Variants in PECR observed in about 807,000 individuals in gnomAD.
The protein encoded by PECR is peroxisomal trans-2-enoyl-CoA reductase, also known as 2,4-dienoyl-CoA reductase-related protein.
PECR carries 30 observed loss-of-function variants against 35.3 expected under a neutral mutation model. The observed-to-expected ratio is 0.85, with a 90% CI of 0.64 to 1.15. PECR has a LOEUF of 1.15. Ranked by LOEUF, PECR falls within the 50% of genes most tolerant of loss-of-function variation. The pLI, the probability that PECR is intolerant of heterozygous loss-of-function variation, is 0.00. For missense variants in PECR, 392 were observed against 370.8 expected (o/e 1.06, Z -0.47); for synonymous variants, 148 against 138.9 (o/e 1.07, Z -0.46).
In PECR at chr2:216,031,647, AAAAGAAAGAAAG is replaced by A. The variant is rs200929112; in HGVS notation, c.*440+7532_*440+7543del. ...AAGGAACAAGGAAGGAAGGAAGAAG[AAAAGAAAGAAAG>A]AAAGAAAGAAAGAAAGAAAGAAAGA... On this transcript the variant is annotated intron_variant and NMD_transcript_variant, in intron 7 of 7. Coordinates refer to the PECR transcript ENST00000442122. Among the ~76,000 whole-genome samples the A allele has an allele frequency of 9.3e-4, 91 of 98,062 alleles. 1 individual carries two copies. The highest frequency in any genetic ancestry group is 2.2e-3 in the African/African-American group (59 of 26,956). The allele number at this position is 98,062 out of a possible 152,430, so 64.3% of individuals were successfully genotyped here. A position where few individuals can be genotyped will look rare whatever the true frequency, so the allele number is the denominator to read the frequency against.
At chr2:216,041,065 T>TCCA in intron 7 of PECR, among the ~76,000 whole-genome samples, 1 of 152,086 alleles carries the variant, frequency 6.6e-6, no homozygotes, top group South Asian at 2.1e-4. Context: ...GCTGCCAATC[T>TCCA]TAAAAGAAAA....
intron 5 of PECR, among the ~76,000 whole-genome samples, chr2:216,050,587 CCTA>C (rs1249216114): frequency 1.3e-5 from 2 of 152,146 alleles, no homozygotes; most frequent in African/African-American, 4.8e-5. Flanking sequence ...ACAGATAACA[CCTA>C]CTGATATTAC....
chr2:216,077,806 CAAAAAAA>C (rs10596402), intron 1 of PECR, among the ~76,000 whole-genome samples: 5 of 73,468 alleles, frequency 6.8e-5, no homozygotes, highest in African/African-American at 1.3e-4. Context: ...GACTCCGTCT[CAAAAAAA>C]AAAAAAAAAA....
At chr2:216,071,121 T>C (rs184679022) in intron 1 of PECR, among the ~76,000 whole-genome samples, 1 of 152,330 alleles carries the variant, frequency 6.6e-6, no homozygotes, top group Non-Finnish European at 1.5e-5. Flanking sequence ...TTGGGATCCA[T>C]GGGTCGCTCT....
chr2:216,077,067 T>G (rs1310211017), intron 1 of PECR, among the ~76,000 whole-genome samples: 1 of 151,594 alleles, frequency 6.6e-6, no homozygotes, highest in Non-Finnish European at 1.5e-5. Context: ...GCCTGGCTAA[T>G]TTTGTATTTT....
At chr2:216,063,573 A>C (rs1574697332) in intron 3 of PECR, among the ~76,000 whole-genome samples, 1 of 152,012 alleles carries the variant, frequency 6.6e-6, no homozygotes, top group Non-Finnish European at 1.5e-5. Flanking sequence ...AGCAGAGATC[A>C]CGCCACTGCA....
intron 1 of PECR, among the ~76,000 whole-genome samples, chr2:216,074,441 A>AAAAAGAAAG (rs139561686): frequency 4.0e-5 from 6 of 149,952 alleles, no homozygotes; most frequent in Admixed American, 6.6e-5. Context: ...AGAAAGAAAG[A>AAAAAGAAAG]AAAAGAAAGA....
At chr2:216,069,934 C>CAAA (rs35689726) in intron 1 of PECR, among the ~76,000 whole-genome samples, 1 of 101,294 alleles carries the variant, frequency 9.9e-6, no homozygotes, top group Admixed American at 9.5e-5. Context: ...AAGACTCTGT[C>CAAA]AAAAAAAAAA....
intron 1 of PECR, among the ~76,000 whole-genome samples, chr2:216,068,667 T>A (rs1695521299): frequency 6.6e-6 from 1 of 152,002 alleles, no homozygotes; most frequent in African/African-American, 2.4e-5. Context: ...TGAGACAGGG[T>A]CTTACTCTGT....
chr2:216,055,486 C>A (rs1366826582), intron 4 of PECR, among the ~76,000 whole-genome samples: 1 of 151,548 alleles, frequency 6.6e-6, no homozygotes, highest in Non-Finnish European at 1.5e-5. Context: ...AAAAAAAACA[C>A]TTGTAATAGG....
intron 2 of PECR, among the ~76,000 whole-genome samples, chr2:216,066,043 G>A (rs551368487): frequency 1.8e-4 from 28 of 152,310 alleles, no homozygotes; most frequent in Non-Finnish European, 3.2e-4. Context: ...AGAATTGCTT[G>A]AACCTGGGAG....
chr2:216,029,227 C>G (rs978577132), intron 7 of PECR, among the ~76,000 whole-genome samples: 2 of 152,082 alleles, frequency 1.3e-5, no homozygotes, highest in African/African-American at 4.8e-5. Flanking sequence ...CGCCTGTAAT[C>G]CCAGCACTTT....
chr2:216,039,110 T>C lies in PECR; in HGVS notation c.*165A>G. The C allele has an allele frequency of 1.7e-6, 1 of 595,538 alleles. No homozygotes were observed. The allele number at this position is 595,538 out of a possible 1,614,324, so 36.9% of individuals were successfully genotyped here. A position where few individuals can be genotyped will look rare whatever the true frequency, so the allele number is the denominator to read the frequency against. On this transcript the variant is annotated 3_prime_UTR_variant, in exon 8 of 8. Coordinates refer to ENST00000265322, the MANE Select transcript of PECR (RefSeq NM_018441.6). ...AGGTTAAAAGACTCTGATTGGGACA[T>C]AAGACTGTATATATTTCAGGAATAG...
chr2:216,030,956 TCACACACACACA>T (rs1219074422), intron 7 of PECR, among the ~76,000 whole-genome samples: 1 of 113,350 alleles, frequency 8.8e-6, no homozygotes, highest in African/African-American at 3.8e-5. Flanking sequence ...TCTCTCTCTC[TCACACACACACA>T]CACACACACA....
chr2:216,047,511 C>G (rs1445779049), intron 6 of PECR, among the ~76,000 whole-genome samples: 1 of 152,126 alleles, frequency 6.6e-6, no homozygotes. Flanking sequence ...AGTGTTTTAT[C>G]CTTTCCTTAC....
chr2:216,076,408 T>C (rs1300878447), intron 1 of PECR, among the ~76,000 whole-genome samples: 1 of 152,194 alleles, frequency 6.6e-6, no homozygotes, highest in Non-Finnish European at 1.5e-5. Flanking sequence ...TGCAAGGATG[T>C]AGTCTTGAGA....
At chr2:216,069,779 T>C (rs1056054967) in intron 1 of PECR, among the ~76,000 whole-genome samples, 1 of 151,682 alleles carries the variant, frequency 6.6e-6, no homozygotes, top group Non-Finnish European at 1.5e-5. Context: ...CTACTAAAAA[T>C]ACAAAAATTA....
At chr2:216,061,233 G>C (rs1474014878) in intron 3 of PECR, among the ~76,000 whole-genome samples, 1 of 132,334 alleles carries the variant, frequency 7.6e-6, no homozygotes, top group African/African-American at 2.8e-5. Flanking sequence ...AATCGATTGA[G>C]CCCAGGGGGT....
chr2:216,071,376 GCT>G (rs1695585024), intron 1 of PECR, among the ~76,000 whole-genome samples: 1 of 152,122 alleles, frequency 6.6e-6, no homozygotes, highest in South Asian at 2.1e-4. Flanking sequence ...GGAGAGGCAG[GCT>G]CTCTCTGATT....
Sources: allele counts gnomAD v4.1 joint callset (sites outside exome capture counted in the v4.1 genomes callset), GRCh38; gene constraint gnomAD v4.1.1; transcripts MANE v1.5; gene names NCBI Gene and HGNC (gene_info 2026-07-23, HGNC 2026-07-21).